Variants in SEC24D observed in about 807,000 individuals in gnomAD.
The protein encoded by SEC24D is SEC24 homolog D, COPII component.
SEC24D carries 69 observed loss-of-function variants against 116.9 expected under a neutral mutation model. The observed-to-expected ratio is 0.59, with a 90% confidence interval of 0.49 to 0.72. SEC24D has a LOEUF of 0.72. SEC24D is among the 30% of genes least tolerant of loss of function. The pLI is 0.00. For missense variants in SEC24D, 1,131 were observed against 1,264.1 expected (o/e 0.89, Z 1.60); for synonymous variants, 405 against 442.8 (o/e 0.91, Z 1.07).
chr4:118,819,387 C>T (rs1730292889), intron 3 of SEC24D, among the ~76,000 whole-genome samples: 4 of 151,418 alleles, frequency 2.6e-5, no homozygotes, highest in African/African-American at 7.3e-5. Flanking sequence ...AAAAATTAGC[C>T]GGGCGTGGTG....
chr4:118,824,505 G>A (rs144088947), intron 3 of SEC24D, 115 bp downstream of exon 3: 79 of 1,111,250 alleles, frequency 7.1e-5, no homozygotes, highest in Non-Finnish European at 7.9e-6. Flanking sequence ...TTTCAGGGGT[G>A]TGTAACATCA....
chr4:118,823,671 C>T (rs1002207242), intron 3 of SEC24D, among the ~76,000 whole-genome samples: 4 of 152,240 alleles, frequency 2.6e-5, no homozygotes, highest in Non-Finnish European at 5.9e-5. Context: ...AGGTGTGATA[C>T]TGGCTTCTTT....
At chr4:118,744,230 T>C in intron 14 of SEC24D, 72 bp from the exon 15 acceptor site, 1 of 1,324,158 alleles carries the variant, frequency 7.6e-7, no homozygotes, top group Non-Finnish European at 1.0e-6. Flanking sequence ...TTTAAATTTC[T>C]ATTGAATTCT....
Position 118,757,766 on chromosome 4 carries a change from T to C in SEC24D, c.1376A>G (p.Lys459Arg), listed in dbSNP as rs1363131888. The C allele has an allele frequency of 6.2e-7, 1 of 1,611,742 alleles. No individual in the cohort carries two copies. The highest frequency in any genetic ancestry group is 1.7e-5 in the Admixed American group (1 of 59,470). ...SYSNIKNGLV[K>R]LICEELKTML... is the part of the protein sequence containing the mutation. ...GGTCTTCAGTTCTTCACATATGAGC[T>C]TGACAAGTCCATTCTTTATGTTACT... is the stretch of plus-strand genomic sequence containing the variant. Residue 459 changes from lysine to arginine, a missense_variant, in exon 11 of 23, where the codon AAG (lysine) becomes AGG (arginine). By Grantham distance (26) the Lys-to-Arg change is conservative. Coordinates refer to ENST00000280551, the MANE Select transcript of SEC24D (RefSeq NM_014822.4).
chr4:118,815,303 A>G, intron 5 of SEC24D, 148 bp from the exon 6 acceptor site: 2 of 1,359,548 alleles, frequency 1.5e-6, no homozygotes, highest in Non-Finnish European at 2.0e-6. Flanking sequence ...GTGGTTCCCC[A>G]TTTCTTTGCT....
intron 9 of SEC24D, among the ~76,000 whole-genome samples, chr4:118,765,573 C>A (rs1024062905): frequency 3.3e-5 from 5 of 152,156 alleles, no homozygotes; most frequent in Non-Finnish European, 7.4e-5. Context: ...ACAAATATGG[C>A]CTGGTATCTC....
Position 118,760,044 on chromosome 4 carries a change from G to C in SEC24D, c.1297-2199C>G, listed in dbSNP as rs560490918. 2.0e-5 allele frequency among the ~76,000 whole-genome samples: 3 copies of C among 152,256 alleles called. No homozygotes were observed. The South Asian group carries it at 6.2e-4, about 32-fold the overall frequency. ...GGCTTGAAATCTCACTGTCTCCATG[G>C]ACTTGTCCACCTCACTTAGCATCCA... On this transcript the variant is annotated intron_variant, in intron 10 of 22. Coordinates refer to ENST00000280551, the MANE Select transcript of SEC24D (RefSeq NM_014822.4).
chr4:118,754,179 T>G (rs1578401297), intron 11 of SEC24D: 1 of 152,258 alleles, frequency 6.6e-6, no homozygotes, highest in South Asian at 2.1e-4. Flanking sequence ...CCAAAAGCAC[T>G]TGGAAACTGT....
At chr4:118,820,176 AAT>A (rs1491457750) in intron 3 of SEC24D, among the ~76,000 whole-genome samples, 6,374 of 150,436 alleles carry the variant, frequency 0.042, 167 homozygotes, top group Non-Finnish European at 0.063. Context: ...AAATTAGTTT[AAT>A]TTTTTTTTTT....
At chr4:118,751,955 T>A (rs771435898) in intron 13 of SEC24D, 41 bp downstream of exon 13, 2 of 1,326,300 alleles carry the variant, frequency 1.5e-6, no homozygotes, top group Admixed American at 3.7e-5. Flanking sequence ...TCTCTGTTTT[T>A]AAAATTTATT....
chr4:118,766,510 G>C (rs181085829), intron 9 of SEC24D: 1 of 152,302 alleles, frequency 6.6e-6, no homozygotes, highest in East Asian at 1.9e-4. Flanking sequence ...AAACATGGCA[G>C]CTTCCTAGGA....
At chr4:118,790,784 A>G (rs1433695510) in intron 8 of SEC24D, among the ~76,000 whole-genome samples, 1 of 151,386 alleles carries the variant, frequency 6.6e-6, no homozygotes, top group African/African-American at 2.4e-5. Flanking sequence ...CTGTCAAACA[A>G]TGGAACCAAT....
chr4:118,724,749 T>C (rs910444295), intron 22 of SEC24D, among the ~76,000 whole-genome samples: 2 of 152,172 alleles, frequency 1.3e-5, no homozygotes, highest in Non-Finnish European at 2.9e-5. Flanking sequence ...GAAGTCAAGG[T>C]AGATGATCTG....
At chr4:118,793,231 G>T (rs1578442010) in intron 8 of SEC24D, among the ~76,000 whole-genome samples, 1 of 151,922 alleles carries the variant, frequency 6.6e-6, no homozygotes, top group African/African-American at 2.4e-5. Context: ...ACTTTGGGAG[G>T]CCGAGGCGGG....
At chr4:118,825,053 G>A (rs1730543160) in intron 2 of SEC24D, among the ~76,000 whole-genome samples, 2 of 152,112 alleles carry the variant, frequency 1.3e-5, no homozygotes, top group Non-Finnish European at 1.5e-5. Context: ...ATATTACCAC[G>A]CAAAGAATAC....
At chr4:118,797,500 C>G (rs1578446711) in intron 8 of SEC24D, among the ~76,000 whole-genome samples, 183 bp downstream of exon 8, 1 of 152,132 alleles carries the variant, frequency 6.6e-6, no homozygotes, top group East Asian at 1.9e-4. Flanking sequence ...GTACAGGATG[C>G]CAAAAACCAT....
At chr4:118,760,222 A>G (rs780854525) in intron 10 of SEC24D, among the ~76,000 whole-genome samples, 13 of 152,226 alleles carry the variant, frequency 8.5e-5, no homozygotes, top group Non-Finnish European at 1.6e-4. Context: ...GTTCAGTGGC[A>G]TTAAGTGCAC....
At chr4:118,795,289 A>C (rs1729129098) in intron 8 of SEC24D, among the ~76,000 whole-genome samples, 2 of 151,572 alleles carry the variant, frequency 1.3e-5, no homozygotes, top group South Asian at 4.2e-4. Context: ...GCTCACTGCA[A>C]CATCTACCTC....
At chr4:118,796,415 T>A (rs1301157877) in intron 8 of SEC24D, among the ~76,000 whole-genome samples, 5 of 152,172 alleles carry the variant, frequency 3.3e-5, no homozygotes, top group African/African-American at 1.2e-4. Context: ...AGATACTGAA[T>A]GTACATCTTG....
Sources: allele counts gnomAD v4.1 joint callset (sites outside exome capture counted in the v4.1 genomes callset), GRCh38; gene constraint gnomAD v4.1.1; transcripts MANE v1.5; gene names NCBI Gene and HGNC (gene_info 2026-07-23, HGNC 2026-07-21).